The following GAS2 variants were observed in gnomAD, a reference collection of about 807,000 sequenced individuals.
GAS2 encodes growth arrest-specific protein 2.
In GAS2, 20 loss-of-function variants were observed where a neutral mutation model predicts 37.5. The observed-to-expected ratio is 0.53, with a 90% CI of 0.37 to 0.77. GAS2 has a LOEUF of 0.77. Among genes scored for constraint, GAS2 ranks in the 30% least tolerant of loss-of-function variants. The pLI is 0.00. For missense variants in GAS2, 336 were observed against 373.4 expected (o/e 0.90, Z 0.82); for synonymous variants, 144 against 132.2 (o/e 1.09, Z -0.61).
chr11:22,687,574 C>T (rs1279371174), intron 3 of GAS2, among the ~76,000 whole-genome samples: 1 of 152,190 alleles, frequency 6.6e-6, no homozygotes, highest in East Asian at 1.9e-4. Flanking sequence ...ACACAGACAA[C>T]TTTGCAAGTT....
intron 7 of GAS2, among the ~76,000 whole-genome samples, chr11:22,791,709 G>A (rs1031733249): frequency 6.6e-6 from 1 of 151,970 alleles, no homozygotes; most frequent in Non-Finnish European, 1.5e-5. Context: ...ATGAAGGAAT[G>A]AACAGAATCA....
chr11:22,784,397 T>G (rs1185129608), intron 7 of GAS2, among the ~76,000 whole-genome samples: 1 of 152,178 alleles, frequency 6.6e-6, no homozygotes, highest in Non-Finnish European at 1.5e-5. Context: ...CAAGGTACTT[T>G]CTAGGTCAGA....
At chr11:22,653,672 C>T (rs1379696678) in intron 1 of GAS2, among the ~76,000 whole-genome samples, 1 of 152,114 alleles carries the variant, frequency 6.6e-6, no homozygotes, top group Admixed American at 6.5e-5. Flanking sequence ...TTAGCAAGAC[C>T]TAGTCTAAGA....
intron 3 of GAS2, among the ~76,000 whole-genome samples, chr11:22,717,668 C>T (rs538228341): frequency 1.0e-3 from 154 of 152,120 alleles, no homozygotes; most frequent in Non-Finnish European, 1.7e-3. Flanking sequence ...AATAAGCAAT[C>T]ACCAGAGTAA....
chr11:22,753,566 G>A (rs1853860298), intron 6 of GAS2, among the ~76,000 whole-genome samples: 1 of 152,042 alleles, frequency 6.6e-6, no homozygotes, highest in African/African-American at 2.4e-5. Context: ...ATTACCACAT[G>A]GCAGCAAAAT....
chr11:22,724,517 A>G (rs1230645700), intron 3 of GAS2, among the ~76,000 whole-genome samples: 2 of 168 alleles, frequency 0.012, no homozygotes, highest in Non-Finnish European at 0.025. Context: ...ATTAATGTTT[A>G]TAATACTTTA....
At chr11:22,737,869 G>A in intron 5 of GAS2, 101 bp downstream of exon 5, 5 of 1,022,914 alleles carry the variant, frequency 4.9e-6, no homozygotes, top group Middle Eastern at 2.0e-4. Flanking sequence ...TAACCTGGAT[G>A]TTGAGAAGCT....
intron 3 of GAS2, among the ~76,000 whole-genome samples, chr11:22,714,455 C>T (rs566827724): frequency 1.3e-5 from 2 of 152,190 alleles, no homozygotes; most frequent in South Asian, 4.2e-4. Flanking sequence ...ACTGACAGCA[C>T]TAGATAGATC....
intron 1 of GAS2, among the ~76,000 whole-genome samples, chr11:22,673,546 A>G (rs2133882287): frequency 6.6e-6 from 1 of 152,342 alleles, no homozygotes; most frequent in Non-Finnish European, 1.5e-5. Context: ...ATTAAACATG[A>G]CTATTACATT....
chr11:22,671,877 AT>A (rs1590601927), intron 1 of GAS2, among the ~76,000 whole-genome samples: 1 of 152,218 alleles, frequency 6.6e-6, no homozygotes, highest in East Asian at 1.9e-4. Context: ...AGCTGAATCC[AT>A]TTTTCATGTT....
chr11:22,673,323 A>G (rs1021788768), intron 1 of GAS2, among the ~76,000 whole-genome samples: 2 of 152,244 alleles, frequency 1.3e-5, no homozygotes, highest in African/African-American at 4.8e-5. Flanking sequence ...AATACTGTGT[A>G]GAGTTTCAAA....
At chr11:22,808,168 T>C (rs764772213) in intron 7 of GAS2, among the ~76,000 whole-genome samples, 1 of 152,132 alleles carries the variant, frequency 6.6e-6, no homozygotes, top group Non-Finnish European at 1.5e-5. Context: ...TGACACAAAA[T>C]CAATCAACAA....
At chr11:22,746,742 T>C (rs1460783570) in intron 5 of GAS2, among the ~76,000 whole-genome samples, 4 of 152,144 alleles carry the variant, frequency 2.6e-5, no homozygotes, top group Admixed American at 2.0e-4. Context: ...CAAAAACTAA[T>C]TTGGTACTAT....
intron 6 of GAS2, among the ~76,000 whole-genome samples, chr11:22,752,407 GCTT>G (rs1044660591): frequency 3.3e-5 from 5 of 151,886 alleles, no homozygotes; most frequent in African/African-American, 1.2e-4. Flanking sequence ...AGTAATCTGA[GCTT>G]CACTAATGTT....
intron 4 of GAS2, among the ~76,000 whole-genome samples, chr11:22,733,467 C>A (rs374958093): frequency 6.6e-6 from 1 of 151,722 alleles, no homozygotes; most frequent in Non-Finnish European, 1.5e-5. Context: ...AAATGGACAA[C>A]ATAATTTTTC....
At chr11:22,729,498 T>G (rs1052032929) in intron 4 of GAS2, among the ~76,000 whole-genome samples, 1 of 151,842 alleles carries the variant, frequency 6.6e-6, no homozygotes, top group Non-Finnish European at 1.5e-5. Context: ...ATATACAGGG[T>G]TTAACCTATT....
intron 3 of GAS2, among the ~76,000 whole-genome samples, chr11:22,722,672 T>G (rs1332282211): frequency 6.6e-6 from 1 of 151,946 alleles, no homozygotes; most frequent in Non-Finnish European, 1.5e-5. Flanking sequence ...GCCATTAACT[T>G]AGTGAATTTT....
Position 22,736,971 on chromosome 11 carries a change from T to G in GAS2, c.410-734T>G, listed in dbSNP as rs1852789384. On this transcript the variant is annotated intron_variant, in intron 4 of 7. Coordinates refer to ENST00000454584, the MANE Select transcript of GAS2 (RefSeq NM_001143830.3). ...AAGTATGATTTGTCACATTACTGAATGTCTATCAGTAAAGCAAATGCACTA... is the reference window on the plus strand; with the variant it reads ...AAGTATGATTTGTCACATTACTGAAGGTCTATCAGTAAAGCAAATGCACTA... 2.6e-5 allele frequency among the ~76,000 whole-genome samples: 4 copies of G among 152,280 alleles called. No homozygotes were observed. The South Asian group carries it at 8.3e-4, about 32-fold the overall frequency.
intron 1 of GAS2, among the ~76,000 whole-genome samples, chr11:22,632,394 A>G (rs568972638): frequency 3.9e-5 from 6 of 152,312 alleles, no homozygotes; most frequent in Non-Finnish European, 2.9e-5. Flanking sequence ...TTTCTGGCTT[A>G]TAAGGCTTCT....
Sources: allele counts gnomAD v4.1 joint callset (sites outside exome capture counted in the v4.1 genomes callset), GRCh38; gene constraint gnomAD v4.1.1; transcripts MANE v1.5; gene names NCBI Gene and HGNC (gene_info 2026-07-23, HGNC 2026-07-21).